Variants in CHCHD4 observed in about 807,000 individuals in gnomAD.
CHCHD4 encodes coiled-coil-helix-coiled-coil-helix domain containing 4.
Under a neutral mutation model 12.4 loss-of-function variants are expected in CHCHD4, and 7 were observed. That is an observed-to-expected ratio of 0.57 (90% CI 0.32 to 1.06). The LOEUF (loss-of-function observed/expected upper bound fraction) is 1.06. Ranked by LOEUF, CHCHD4 falls within the 50% of genes least tolerant of loss-of-function variation. The pLI is 0.04. For synonymous variants in CHCHD4, 56 were observed against 58.0 expected (o/e 0.97, Z 0.16); for missense variants, 143 against 175.1 (o/e 0.82, Z 1.03).
chr3:14,124,553 G>A lies in CHCHD4; in HGVS notation c.22+102C>T, dbSNP rs981211634. 4.5e-6 allele frequency: 5 copies of A among 1,113,208 alleles called. No homozygotes were observed. In the African/African-American group the frequency reaches 6.7e-5, roughly 15 times the overall value. The allele number at this position is 1,113,208 out of a possible 1,614,324, so 69.0% of individuals were successfully genotyped here. The stretch of plus-strand genomic sequence containing the variant: ...GTCCCAGGGTGGGCACCTGGGCCGC[G>A]CCTCAGGTGGCCCGCGCCCGGCGTG... On this transcript the variant is annotated intron_variant, in intron 1 of 2. Coordinates refer to ENST00000396914, the MANE Select transcript of CHCHD4 (RefSeq NM_001098502.2).
In CHCHD4 at chr3:14,118,080, A is replaced by G. The variant is rs141167040; in HGVS notation, c.23-1556T>C. Among the ~76,000 whole-genome samples the G allele has an allele frequency of 6.0e-3, 913 of 152,364 alleles. 4 individuals carry two copies. The highest frequency in any genetic ancestry group is 0.021 in the African/African-American group (889 of 41,582). ...TCTTGTACTTTCCTGGTGAAGGTGA[A>G]TGACAAATTCTACAGACCAACTGAC... On this transcript the variant is annotated intron_variant, in intron 1 of 2. Coordinates refer to ENST00000396914, the MANE Select transcript of CHCHD4 (RefSeq NM_001098502.2).
chr3:14,120,016 T>C lies in CHCHD4; in HGVS notation c.23-3492A>G, dbSNP rs914946886. 2.6e-5 allele frequency among the ~76,000 whole-genome samples: 4 copies of C among 152,166 alleles called. No homozygotes were observed. The East Asian group carries it at 7.7e-4, about 29-fold the overall frequency. The stretch of plus-strand genomic sequence containing the variant: ...AATGTTTTGGAAATGGGAGAGCTGA[T>C]GGTCGAGTGCTCTCTGACTTAACCA... On this transcript the variant is annotated intron_variant, in intron 1 of 2. Transcript: ENST00000396914.
chr3:14,114,236 T>C (rs1159489868), intron 2 of CHCHD4, among the ~76,000 whole-genome samples: 1 of 152,156 alleles, frequency 6.6e-6, no homozygotes, highest in African/African-American at 2.4e-5. Flanking sequence ...TCCTGTTCCT[T>C]ACTTGTAAAA....
chr3:14,123,329 T>C (rs1017192868), intron 1 of CHCHD4, among the ~76,000 whole-genome samples: 4 of 152,156 alleles, frequency 2.6e-5, no homozygotes, highest in African/African-American at 9.7e-5. Context: ...ATGAAGTAAA[T>C]TAGAGAAAGA....
intron 1 of CHCHD4, 145 bp downstream of exon 1, chr3:14,124,510 G>A: frequency 1.7e-6 from 1 of 587,908 alleles, no homozygotes; most frequent in Non-Finnish European, 2.7e-6. Context: ...CGACCCCCCA[G>A]CCGGCCCGCC....
At position 14,113,022 on chromosome 3, in the gene CHCHD4, C is replaced by T; in HGVS notation, c.294G>A (p.Met98Ile). ...VDQFRAMQEC[M>I]QKYPDLYPQE... The stretch of plus-strand genomic sequence containing the variant: ...GGGGATAGAGGTCTGGGTATTTCTG[C>T]ATGCATTCCTGCATGGCCCGGAACT... The change falls in exon 3 of 3, where the codon ATG becomes ATA. Residue 98 changes from methionine (M) to isoleucine (I), a missense_variant. Physicochemically the swap from Met to Ile is conservative, Grantham distance 10 (BLOSUM62 1). Coordinates refer to ENST00000396914, the MANE Select transcript of CHCHD4 (RefSeq NM_001098502.2). 1.9e-6 allele frequency: 3 copies of T among 1,614,068 alleles called. No individual in the cohort carries two copies. The highest frequency in any genetic ancestry group is 1.3e-5 in the African/African-American group (1 of 75,000).
intron 2 of CHCHD4, 79 bp from the exon 3 acceptor site, chr3:14,113,273 G>C: frequency 2.5e-6 from 3 of 1,218,200 alleles, no homozygotes; most frequent in African/African-American, 1.5e-5. Context: ...GGCTACTGAG[G>C]GGGTGCAGAA....
intron 2 of CHCHD4, among the ~76,000 whole-genome samples, chr3:14,115,917 T>TAATTAACCAAGCGACCTTGGTTA (rs1694871790): frequency 6.6e-6 from 1 of 152,210 alleles, no homozygotes; most frequent in South Asian, 2.1e-4. Flanking sequence ...CGACCACTGT[T>TAATTAACCAAGCGACCTTGGTTA]ATATTCAGCC....
At chr3:14,123,437 G>C (rs990443744) in intron 1 of CHCHD4, among the ~76,000 whole-genome samples, 2 of 152,186 alleles carry the variant, frequency 1.3e-5, no homozygotes, top group African/African-American at 4.8e-5. Flanking sequence ...TCATTAAAGA[G>C]TGAGTCTTAT....
chr3:14,124,369 C>G (rs1478536628), intron 1 of CHCHD4, among the ~76,000 whole-genome samples: 2 of 152,190 alleles, frequency 1.3e-5, no homozygotes, highest in Non-Finnish European at 2.9e-5. Context: ...CTTCCCGTGC[C>G]CCAACCGGAC....
chr3:14,112,913 T>C lies in CHCHD4; in HGVS notation c.403A>G (p.Thr135Ala), dbSNP rs369252207. Residue 135 changes from threonine to alanine, a missense_variant, in exon 3 of 3, where the codon ACC becomes GCC. By Grantham distance (58) the Thr-to-Ala change is moderately conservative. Coordinates refer to ENST00000396914, the MANE Select transcript of CHCHD4 (RefSeq NM_001098502.2). ...TAACTTGATCCCTCCTCTTCTTTGG[T>C]TGCAGTGGCCTCAATGGGAGCTGTT... is the stretch of plus-strand genomic sequence containing the variant. ...EETAPIEATA[T>A]KEEEGSS The C allele has an allele frequency of 2.5e-6, 4 of 1,612,706 alleles. No homozygotes were observed. Among genetic ancestry groups the C allele is most frequent in the East Asian group, 2.2e-5 (1 of 44,834 alleles).
intron 1 of CHCHD4, chr3:14,119,147 G>C (rs749786878): frequency 2.6e-5 from 4 of 152,436 alleles, no homozygotes; most frequent in Non-Finnish European, 5.9e-5. Flanking sequence ...GTCCTCACAT[G>C]TGCCTTCCTG....
chr3:14,116,646 G>A lies in CHCHD4; in HGVS notation c.23-122C>T, dbSNP rs111342237. Reference sequence around the variant, plus strand: ...TCTCCCATATGCCATCCCTATGTGAGGTGACTATCAAACTGCTCTCATATG... The same window carrying A: ...TCTCCCATATGCCATCCCTATGTGAAGTGACTATCAAACTGCTCTCATATG... On this transcript the variant is annotated intron_variant, in intron 1 of 2. Transcript: ENST00000396914. 109 of 741,804 alleles carry A rather than the reference G, an allele frequency of 1.5e-4. 1 individual carries two copies. The African/African-American group carries it at 1.8e-3, about 12-fold the overall frequency. The allele number at this position is 741,804 out of a possible 1,614,324, so 46.0% of individuals were successfully genotyped here.
intron 1 of CHCHD4, among the ~76,000 whole-genome samples, chr3:14,118,283 C>T (rs968105118): frequency 6.6e-6 from 1 of 152,242 alleles, no homozygotes; most frequent in African/African-American, 2.4e-5. Context: ...CCTGCAGAAA[C>T]GTGGCCCTGT....
At chr3:14,115,272 A>G (rs1694865696) in intron 2 of CHCHD4, among the ~76,000 whole-genome samples, 1 of 147,174 alleles carries the variant, frequency 6.8e-6, no homozygotes, top group Non-Finnish European at 1.5e-5. Context: ...AGCAGGTAAA[A>G]AAAAACAACA....
chr3:14,117,061 A>C (rs1694883858), intron 1 of CHCHD4, among the ~76,000 whole-genome samples: 1 of 152,248 alleles, frequency 6.6e-6, no homozygotes, highest in Non-Finnish European at 1.5e-5. Flanking sequence ...CAAGTATAAT[A>C]ACTGGAGGGG....
intron 2 of CHCHD4, among the ~76,000 whole-genome samples, chr3:14,113,663 G>A (rs1187862544): frequency 6.6e-6 from 1 of 151,572 alleles, no homozygotes; most frequent in Non-Finnish European, 1.5e-5. Flanking sequence ...GCTGCTCTCA[G>A]AAGCTCAGCA....
At chr3:14,114,518 G>T (rs948826730) in intron 2 of CHCHD4, among the ~76,000 whole-genome samples, 6 of 152,126 alleles carry the variant, frequency 3.9e-5, no homozygotes, top group African/African-American at 1.4e-4. Context: ...TTCTTGAAAT[G>T]GACCTCAGTG....
At position 14,124,593 on chromosome 3, in the gene CHCHD4, G is replaced by T. The variant is rs1393631135; in HGVS notation, c.22+62C>A. On this transcript the variant is annotated intron_variant, in intron 1 of 2. Coordinates refer to ENST00000396914, the MANE Select transcript of CHCHD4 (RefSeq NM_001098502.2). Reference sequence around the variant, plus strand: ...CGCCCGGCGTGGTCGCGGGGCGCCGGGGCCCGCGTGTCTCCCGCAGGCCCT... The same window carrying T: ...CGCCCGGCGTGGTCGCGGGGCGCCGTGGCCCGCGTGTCTCCCGCAGGCCCT... 5 of 1,425,374 alleles carry T rather than the reference G, an allele frequency of 3.5e-6. No individual in the cohort carries two copies. The African/African-American group carries it at 4.6e-5, about 13-fold the overall frequency. 88.3% of individuals were successfully genotyped at this position (1,425,374 alleles called of 1,614,324 possible). A position where few individuals can be genotyped will look rare whatever the true frequency, so the allele number is the denominator to read the frequency against.
Sources: allele counts gnomAD v4.1 joint callset (sites outside exome capture counted in the v4.1 genomes callset), GRCh38; gene constraint gnomAD v4.1.1; transcripts MANE v1.5; gene names NCBI Gene and HGNC (gene_info 2026-07-23, HGNC 2026-07-21).